Variants in ZMAT4 observed in about 807,000 individuals in gnomAD.
ZMAT4 encodes the protein zinc finger matrin-type 4.
Under a neutral mutation model 28.7 loss-of-function variants are expected in ZMAT4, and 17 were observed. That is an observed-to-expected ratio of 0.59 (90% confidence interval 0.41 to 0.89). The LOEUF is 0.89. Among genes scored for constraint, ZMAT4 ranks in the 40% least tolerant of loss-of-function variants. The pLI, the probability that ZMAT4 is intolerant of heterozygous loss-of-function variation, is 0.00. For synonymous variants in ZMAT4, 117 were observed against 109.2 expected (o/e 1.07, Z -0.44); for missense variants, 240 against 283.8 (o/e 0.85, Z 1.11).
At chr8:40,854,583 G>A (rs1817228770) in intron 1 of ZMAT4, among the ~76,000 whole-genome samples, 1 of 152,156 alleles carries the variant, frequency 6.6e-6, no homozygotes, top group African/African-American at 2.4e-5. Context: ...CAGTCTTTCG[G>A]CAGAGTTAGC....
chr8:40,645,388 A>G (rs989229552), intron 5 of ZMAT4, among the ~76,000 whole-genome samples: 1 of 152,194 alleles, frequency 6.6e-6, no homozygotes, highest in Admixed American at 6.5e-5. Context: ...AAAAACCATG[A>G]CATAATCAAT....
rs1305152228 is a variant in ZMAT4, at chr8:40,530,915, T to A, written c.*1308A>T. The stretch of plus-strand genomic sequence containing the variant: ...TTCATAACAACACTGTGCATTTCTG[T>A]GTCATTTTGTTTATTGCTCACTGAG... On this transcript the variant is annotated 3_prime_UTR_variant, in exon 7 of 7. Coordinates refer to ENST00000297737, the MANE Select transcript of ZMAT4 (RefSeq NM_024645.3). 2 of 152,438 alleles carry A rather than the reference T, an allele frequency of 1.3e-5. No homozygotes were observed. Among genetic ancestry groups the A allele is most frequent in the Non-Finnish European group, 2.9e-5 (2 of 67,996 alleles). The allele number at this position is 152,438 out of a possible 1,614,324, so 9.4% of individuals were successfully genotyped here. A position where few individuals can be genotyped will look rare whatever the true frequency, so the allele number is the denominator to read the frequency against.
intron 6 of ZMAT4, among the ~76,000 whole-genome samples, chr8:40,575,813 A>G (rs1410038897): frequency 1.4e-4 from 21 of 152,106 alleles, no homozygotes; most frequent in Admixed American, 1.3e-3. Context: ...TAAAGGCATA[A>G]AAAAGGAAAT....
At chr8:40,732,411 A>T (rs1563443010) in intron 3 of ZMAT4, among the ~76,000 whole-genome samples, 1 of 152,150 alleles carries the variant, frequency 6.6e-6, no homozygotes, top group Non-Finnish European at 1.5e-5. Context: ...AGCCAGCACA[A>T]TGAGGTGCCA....
intron 3 of ZMAT4, among the ~76,000 whole-genome samples, chr8:40,726,902 A>G (rs1243920595): frequency 6.6e-6 from 1 of 152,210 alleles, no homozygotes; most frequent in East Asian, 1.9e-4. Flanking sequence ...TGACTAAGGT[A>G]AAGGTCTCAC....
chr8:40,679,363 TCTCACCC>T (rs1233237528), intron 4 of ZMAT4, among the ~76,000 whole-genome samples: 1 of 152,190 alleles, frequency 6.6e-6, no homozygotes, highest in African/African-American at 2.4e-5. Context: ...ATTAGTCTGT[TCTCACCC>T]TACTAATAAA....
At chr8:40,741,276 C>T (rs1411502349) in intron 3 of ZMAT4, among the ~76,000 whole-genome samples, 2 of 151,890 alleles carry the variant, frequency 1.3e-5, no homozygotes, top group African/African-American at 4.8e-5. Flanking sequence ...GAAACTCCAT[C>T]TCTACTAAAA....
chr8:40,818,351 CAGGCAATCAGGGATA>C lies in ZMAT4; in HGVS notation c.102+7209_102+7223del, dbSNP rs1411018333. Among the ~76,000 whole-genome samples, 3 of 152,194 alleles carry C rather than the reference CAGGCAATCAGGGATA, an allele frequency of 2.0e-5. No individual in the cohort carries two copies. In the East Asian group the frequency reaches 5.8e-4, roughly 29 times the overall value. ...CAAGGAAACAGAAGTTGAACATTAA[CAGGCAATCAGGGATA>C]AGCCACCACACCACCAATCATCCAA... is the stretch of plus-strand genomic sequence containing the variant. On this transcript the variant is annotated intron_variant, in intron 2 of 6. Coordinates refer to ENST00000297737, the MANE Select transcript of ZMAT4 (RefSeq NM_024645.3).
chr8:40,796,879 C>T (rs1478152133), intron 2 of ZMAT4, among the ~76,000 whole-genome samples: 1 of 152,192 alleles, frequency 6.6e-6, no homozygotes, highest in Non-Finnish European at 1.5e-5. Context: ...TCGGAGATCT[C>T]ATCTCCTTCC....
chr8:40,651,461 A>G (rs893904457), intron 5 of ZMAT4, among the ~76,000 whole-genome samples: 4 of 151,526 alleles, frequency 2.6e-5, no homozygotes, highest in Admixed American at 2.6e-4. Flanking sequence ...TTCCATGCTC[A>G]TGGGTAGGAA....
chr8:40,812,008 G>C (rs1044566002), intron 2 of ZMAT4, among the ~76,000 whole-genome samples: 1 of 151,822 alleles, frequency 6.6e-6, no homozygotes, highest in African/African-American at 2.4e-5. Flanking sequence ...GTGCGCACCT[G>C]TAATCCCAGC....
chr8:40,616,403 T>A (rs1806007069), intron 5 of ZMAT4, among the ~76,000 whole-genome samples: 1 of 152,236 alleles, frequency 6.6e-6, no homozygotes, highest in Non-Finnish European at 1.5e-5. Flanking sequence ...CGCAAAGGAT[T>A]ATAAATCATG....
Position 40,843,369 on chromosome 8 carries a change from C to G in ZMAT4, c.-4-17689G>C, listed in dbSNP as rs147529899. 5.9e-5 allele frequency among the ~76,000 whole-genome samples: 9 copies of G among 152,236 alleles called. No homozygotes were observed. In the East Asian group the frequency reaches 1.7e-3, roughly 29 times the overall value. On this transcript the variant is annotated intron_variant, in intron 1 of 6. Coordinates refer to ENST00000297737, the MANE Select transcript of ZMAT4 (RefSeq NM_024645.3). ...GACCAAGAGCTGGCTGGATCAGAGA[C>G]CCAGCAGGAGCTCATGGGGCCCTGT... is the stretch of plus-strand genomic sequence containing the variant.
chr8:40,739,090 TTAAA>T (rs1811893362), intron 3 of ZMAT4, among the ~76,000 whole-genome samples: 1 of 152,176 alleles, frequency 6.6e-6, no homozygotes, highest in African/African-American at 2.4e-5. Context: ...AAAAACAAAA[TTAAA>T]TAATTTTTTC....
At chr8:40,580,304 A>G (rs1006845463) in intron 6 of ZMAT4, among the ~76,000 whole-genome samples, 7 of 152,098 alleles carry the variant, frequency 4.6e-5, no homozygotes, top group African/African-American at 7.2e-5. Context: ...GAGCCACCGC[A>G]CCCGGCCTAT....
chr8:40,678,007 G>T (rs1808982757), intron 4 of ZMAT4, among the ~76,000 whole-genome samples: 1 of 152,156 alleles, frequency 6.6e-6, no homozygotes, highest in East Asian at 1.9e-4. Flanking sequence ...AACTCTGGGG[G>T]TGGGAAGCAA....
intron 6 of ZMAT4, among the ~76,000 whole-genome samples, chr8:40,546,400 G>A (rs576988187): frequency 6.6e-6 from 1 of 152,134 alleles, no homozygotes; most frequent in East Asian, 1.9e-4. Flanking sequence ...GTGACTGAGT[G>A]GGATTCGAGG....
At chr8:40,625,092 A>T (rs973785101) in intron 5 of ZMAT4, among the ~76,000 whole-genome samples, 14 of 152,202 alleles carry the variant, frequency 9.2e-5, no homozygotes, top group Non-Finnish European at 2.1e-4. Context: ...AGCGGGTGGT[A>T]GCCATATGAA....
intron 1 of ZMAT4, among the ~76,000 whole-genome samples, chr8:40,885,809 G>A (rs964115348): frequency 2.6e-5 from 4 of 152,156 alleles, no homozygotes; most frequent in East Asian, 1.9e-4. Flanking sequence ...ACCATCCCTC[G>A]CTGCCTTCAG....
Sources: gnomAD v4.1 joint callset for allele counts (sites outside exome capture counted in the v4.1 genomes callset) on GRCh38, gnomAD v4.1.1 for gene constraint, MANE v1.5 for transcripts, NCBI Gene and HGNC (gene_info 2026-07-23, HGNC 2026-07-21) for gene names.